CDK8: variants seen among roughly 807,000 people sequenced by gnomAD.
CDK8 encodes the protein cyclin dependent kinase 8.
A neutral mutation model predicts 71.5 loss-of-function variants in CDK8; 29 were observed. The ratio of observed to expected loss-of-function variants is 0.41; its 90% CI spans 0.30 to 0.55. The LOEUF (loss-of-function observed/expected upper bound fraction) is 0.55. Among genes scored for constraint, CDK8 ranks in the 20% least tolerant of loss-of-function variants. The probability of loss-of-function intolerance (pLI) is 0.37; values close to 1 mark genes in which losing one functional copy is unlikely to be tolerated. For missense variants in CDK8, 288 were observed against 572.6 expected, an observed-to-expected ratio of 0.50 and a Z score of 5.07; for synonymous variants, 161 against 192.1, an observed-to-expected ratio of 0.84 and a Z score of 1.34.
chr13:26,376,573 A>G (rs1196362148), intron 4 of CDK8, among the ~76,000 whole-genome samples: 1 of 152,212 alleles, frequency 6.6e-6, no homozygotes. Flanking sequence ...CTTGCCATGC[A>G]GTTTTTGTAC....
chr13:26,269,693 T>C (rs1000009077), intron 1 of CDK8, among the ~76,000 whole-genome samples: 1 of 152,170 alleles, frequency 6.6e-6, no homozygotes, highest in African/African-American at 2.4e-5. Flanking sequence ...TGTAGTGTCT[T>C]TTCTGTATTT....
intron 4 of CDK8, among the ~76,000 whole-genome samples, chr13:26,360,810 C>T (rs1874104398): frequency 6.6e-6 from 1 of 152,154 alleles, no homozygotes; most frequent in Non-Finnish European, 1.5e-5. Flanking sequence ...TATCCTTTTG[C>T]ATTTCTTTTT....
At chr13:26,366,559 C>G (rs1874399078) in intron 4 of CDK8, among the ~76,000 whole-genome samples, 1 of 152,064 alleles carries the variant, frequency 6.6e-6, no homozygotes, top group East Asian at 1.9e-4. Context: ...TGACCTATAT[C>G]TATTTTTTAT....
intron 1 of CDK8, among the ~76,000 whole-genome samples, chr13:26,336,122 T>C (rs201500021): frequency 1.3e-5 from 2 of 148,582 alleles, no homozygotes; most frequent in Admixed American, 6.8e-5. Flanking sequence ...TACACAAACA[T>C]ACACACACAC....
At chr13:26,334,557 A>G (rs1393836025) in intron 1 of CDK8, among the ~76,000 whole-genome samples, 1 of 152,278 alleles carries the variant, frequency 6.6e-6, no homozygotes, top group East Asian at 1.9e-4. Context: ...GCTTTACTAG[A>G]TATATGCTGT....
chr13:26,281,882 A>G (rs1041459629), intron 1 of CDK8, among the ~76,000 whole-genome samples: 1 of 152,108 alleles, frequency 6.6e-6, no homozygotes, highest in Non-Finnish European at 1.5e-5. Flanking sequence ...AAAGAATCAC[A>G]ACTTCTGGAA....
intron 1 of CDK8, among the ~76,000 whole-genome samples, chr13:26,310,158 T>G (rs1265502266): frequency 6.6e-6 from 1 of 152,248 alleles, no homozygotes; most frequent in East Asian, 1.9e-4. Flanking sequence ...CCTGCAAAAC[T>G]GAAACTATCT....
chr13:26,337,541 A>T (rs753013489), intron 1 of CDK8, 26 bp from the exon 2 acceptor site: 1 of 957,292 alleles, frequency 1.0e-6, no homozygotes, highest in South Asian at 2.2e-5. Flanking sequence ...ATTTATCTAT[A>T]TATTAAAATA....
At chr13:26,356,294 C>T (rs1289002561) in intron 4 of CDK8, among the ~76,000 whole-genome samples, 10 of 152,272 alleles carry the variant, frequency 6.6e-5, no homozygotes, top group East Asian at 1.9e-4. Flanking sequence ...TATTTCTCTA[C>T]GGTGAGGCAA....
chr13:26,382,118 TAAAG>T (rs936483263), intron 4 of CDK8, among the ~76,000 whole-genome samples: 1 of 152,150 alleles, frequency 6.6e-6, no homozygotes, highest in Middle Eastern at 3.2e-3. Context: ...TTCGCTTTCC[TAAAG>T]AAAGGGCAGC....
chr13:26,396,694 G>A (rs1876010294), intron 8 of CDK8, among the ~76,000 whole-genome samples: 1 of 152,082 alleles, frequency 6.6e-6, no homozygotes, highest in African/African-American at 2.4e-5. Context: ...ATAGCCACTT[G>A]CTCACCAATC....
At chr13:26,257,572 A>G (rs1871578548) in intron 1 of CDK8, among the ~76,000 whole-genome samples, 1 of 152,140 alleles carries the variant, frequency 6.6e-6, no homozygotes. Context: ...GTGTCTGAAC[A>G]CTTAAAGAGT....
chr13:26,339,755 AAAT>A (rs1446939496), intron 2 of CDK8, among the ~76,000 whole-genome samples: 7 of 120,438 alleles, frequency 5.8e-5, no homozygotes, highest in African/African-American at 2.1e-4. Flanking sequence ...CTTAAAAAAA[AAAT>A]ATATATATAT....
intron 4 of CDK8, among the ~76,000 whole-genome samples, chr13:26,361,854 T>C (rs570243599): frequency 2.3e-5 from 3 of 131,854 alleles, no homozygotes; most frequent in South Asian, 2.8e-4. Context: ...AGTCTTGAAC[T>C]CCTGGGCTCA....
chr13:26,378,413 A>G (rs928867981), intron 4 of CDK8, among the ~76,000 whole-genome samples: 5 of 152,188 alleles, frequency 3.3e-5, no homozygotes, highest in African/African-American at 1.2e-4. Context: ...AATATCAATG[A>G]GTTTTTTGGG....
At chr13:26,296,546 G>A (rs78283915) in intron 1 of CDK8, among the ~76,000 whole-genome samples, 1 of 152,288 alleles carries the variant, frequency 6.6e-6, no homozygotes, top group East Asian at 1.9e-4. Flanking sequence ...ATGGGCTCTG[G>A]GTGATATCAG....
At chr13:26,300,360 A>AT (rs1481713818) in intron 1 of CDK8, among the ~76,000 whole-genome samples, 1 of 152,166 alleles carries the variant, frequency 6.6e-6, no homozygotes, top group African/African-American at 2.4e-5. Context: ...GATGAGTCAC[A>AT]TTCTGGTGAG....
intron 4 of CDK8, among the ~76,000 whole-genome samples, chr13:26,361,315 A>G (rs115698481): frequency 4.6e-4 from 70 of 152,284 alleles, no homozygotes; most frequent in African/African-American, 1.5e-3. Context: ...TGACCAGTCT[A>G]TTACTTGTCA....
At position 26,393,492 on chromosome 13, in the gene CDK8, G is replaced by A; in HGVS notation, c.772G>A (p.Val258Ile). Residue 258 changes from valine to isoleucine, a missense_variant, in exon 7 of 13, where the codon GTA becomes ATA. Val to Ile is a conservative substitution (Grantham distance 29, BLOSUM62 3). Transcript: ENST00000381527. Reference sequence around the variant, plus strand: ...TGACCAGCTGGACAGAATATTCAATGTAATGGGATTTCCTGCAGGTACACA... The same window carrying A: ...TGACCAGCTGGACAGAATATTCAATATAATGGGATTTCCTGCAGGTACACA... ...HHDQLDRIFNVMGFPADKDWE... is the reference protein window; with the variant it reads ...HHDQLDRIFNIMGFPADKDWE... 1.2e-6 allele frequency: 2 copies of A among 1,611,972 alleles called. No individual in the cohort carries two copies. Among genetic ancestry groups the A allele is most frequent in the Non-Finnish European group, 1.7e-6 (2 of 1,178,920 alleles).
Sources: allele counts gnomAD v4.1 joint callset (sites outside exome capture counted in the v4.1 genomes callset), GRCh38; gene constraint gnomAD v4.1.1; transcripts MANE v1.5; gene names NCBI Gene and HGNC (gene_info 2026-07-23, HGNC 2026-07-21).